ELAVL1: variants seen among roughly 807,000 people sequenced by gnomAD.
The protein encoded by ELAVL1 is ELAV like RNA binding protein 1, also known as ELAV-like protein 1.
ELAVL1 carries 1 observed loss-of-function variant against 28.4 expected under a neutral mutation model. That is an observed-to-expected ratio of 0.04 (90% CI 0.01 to 0.17). The LOEUF is 0.17. Ranked by LOEUF, ELAVL1 falls within the 10% of genes least tolerant of loss-of-function variation. The pLI, the probability that ELAVL1 is intolerant of heterozygous loss-of-function variation, is 1.00. For synonymous variants in ELAVL1, 174 were observed against 183.5 expected (o/e 0.95, Z 0.42); for missense variants, 157 against 447.2 (o/e 0.35, Z 5.85).
chr19:7,993,898 C>T (rs543646056), intron 1 of ELAVL1, among the ~76,000 whole-genome samples: 2 of 152,286 alleles, frequency 1.3e-5, no homozygotes, highest in African/African-American at 2.4e-5. Flanking sequence ...CCTGAATCAA[C>T]GCCGAGGGAA....
rs1437686856 is a variant in ELAVL1, at chr19:7,970,570, G to A, written c.431-2780C>T. Reference sequence around the variant, plus strand: ...TGCTGGGATTACAGGCGTGAGCCACGGCCCCCGGCCCCCTTGTGTTTTTTA... The same window carrying A: ...TGCTGGGATTACAGGCGTGAGCCACAGCCCCCGGCCCCCTTGTGTTTTTTA... On this transcript the variant is annotated intron_variant, in intron 4 of 5. Transcript: ENST00000407627. Among the ~76,000 whole-genome samples the A allele has an allele frequency of 2.7e-5, 4 of 150,768 alleles. No homozygotes were observed. In the East Asian group the frequency reaches 5.9e-4, roughly 22 times the overall value.
At chr19:8,001,257 A>C (rs1192246755) in intron 1 of ELAVL1, among the ~76,000 whole-genome samples, 1 of 152,146 alleles carries the variant, frequency 6.6e-6, no homozygotes, top group Non-Finnish European at 1.5e-5. Context: ...CCTCTCTTCA[A>C]ACCGCCTCCG....
At chr19:8,001,763 C>T (rs1568318459) in intron 1 of ELAVL1, among the ~76,000 whole-genome samples, 4 of 152,134 alleles carry the variant, frequency 2.6e-5, no homozygotes, top group Admixed American at 2.0e-4. Context: ...CTACACCCAG[C>T]CACAGATGTC....
chr19:7,973,647 C>A, intron 4 of ELAVL1, 78 bp downstream of exon 4: 3 of 1,510,742 alleles, frequency 2.0e-6, no homozygotes, highest in East Asian at 2.3e-5. Flanking sequence ...TAAAATCAAA[C>A]GGTGATCTGC....
chr19:7,999,416 T>A (rs1354890208), intron 1 of ELAVL1, among the ~76,000 whole-genome samples: 1 of 152,182 alleles, frequency 6.6e-6, no homozygotes, highest in African/African-American at 2.4e-5. Context: ...GACAACAGGT[T>A]ACTTACTCTA....
chr19:8,001,762 G>C (rs922059664), intron 1 of ELAVL1, among the ~76,000 whole-genome samples: 59 of 152,076 alleles, frequency 3.9e-4, no homozygotes, highest in African/African-American at 1.3e-3. Flanking sequence ...ACTACACCCA[G>C]CCACAGATGT....
At chr19:7,976,779 G>A (rs1225661397) in intron 3 of ELAVL1, among the ~76,000 whole-genome samples, 1 of 151,504 alleles carries the variant, frequency 6.6e-6, no homozygotes, top group African/African-American at 2.4e-5. Context: ...TGGCATCAAC[G>A]CCCAGTTCCT....
In ELAVL1 at chr19:7,979,070, A is replaced by G. The variant is rs1985382123; in HGVS notation, c.276+2013T>C. 6.6e-6 allele frequency among the ~76,000 whole-genome samples: 1 copy of G among 152,180 alleles called. No homozygotes were observed. The highest frequency in any genetic ancestry group is 6.5e-5 in the Admixed American group (1 of 15,282). ...AGGTTTGCGGAATGAACACACTTGG[A>G]GCACAGAGGACCCCAGGGCTGCGCC... is the stretch of plus-strand genomic sequence containing the variant. On this transcript the variant is annotated intron_variant, in intron 3 of 5. Coordinates refer to ENST00000407627, the MANE Select transcript of ELAVL1 (RefSeq NM_001419.3). The surrounding 1 kb of genome is among the most constrained non-coding windows in gnomAD (Gnocchi z 5.4).
intron 3 of ELAVL1, among the ~76,000 whole-genome samples, chr19:7,978,399 C>T (rs1253556131): frequency 6.6e-6 from 1 of 152,052 alleles, no homozygotes; most frequent in Non-Finnish European, 1.5e-5. Context: ...GAAAGGGGTG[C>T]TGGGGATGGA....
rs868741131 is a variant in ELAVL1, at chr19:7,973,248, T to A, written c.430+477A>T. Reference sequence around the variant, plus strand: ...CCCCAGCTTTTTTTTTTTTTTTTTTTAAGACGGAGTCTCGCTCTGTCACCC... The same window carrying A: ...CCCCAGCTTTTTTTTTTTTTTTTTTAAAGACGGAGTCTCGCTCTGTCACCC... On this transcript the variant is annotated intron_variant, in intron 4 of 5. Coordinates refer to ENST00000407627, the MANE Select transcript of ELAVL1 (RefSeq NM_001419.3). 4.2e-3 allele frequency: 733 copies of A among 173,948 alleles called. 8 individuals carry two copies. Among genetic ancestry groups the A allele is most frequent in the African/African-American group, 0.017 (696 of 41,572 alleles). 10.8% of individuals were successfully genotyped at this position (173,948 alleles called of 1,614,324 possible). A position where few individuals can be genotyped will look rare whatever the true frequency, so the allele number is the denominator to read the frequency against.
intron 1 of ELAVL1, among the ~76,000 whole-genome samples, chr19:8,001,283 C>T (rs2081066963): frequency 6.6e-6 from 1 of 152,184 alleles, no homozygotes; most frequent in African/African-American, 2.4e-5. Context: ...TGAATTACTT[C>T]ATTTGGTGGC....
chr19:7,983,756 C>T (rs1174536530), intron 2 of ELAVL1, among the ~76,000 whole-genome samples: 4 of 152,138 alleles, frequency 2.6e-5, no homozygotes, highest in African/African-American at 9.7e-5. Flanking sequence ...CAGCCACAGC[C>T]GGTTCCTCTC....
chr19:7,971,726 C>T (rs1985117603), intron 4 of ELAVL1, among the ~76,000 whole-genome samples: 1 of 152,238 alleles, frequency 6.6e-6, no homozygotes, highest in African/African-American at 2.4e-5. Flanking sequence ...ACAGGAAGCT[C>T]CCAGGGCCCC....
At chr19:7,984,727 C>CAGGA (rs1985555092) in intron 2 of ELAVL1, among the ~76,000 whole-genome samples, 2 of 152,198 alleles carry the variant, frequency 1.3e-5, no homozygotes, top group Non-Finnish European at 2.9e-5. Flanking sequence ...CTGGAGGCAG[C>CAGGA]AGGAAGGCAG....
In ELAVL1 at chr19:7,961,279, G is replaced by C. The variant is rs149846894; in HGVS notation, c.*2204C>G. 6.6e-6 allele frequency: 1 copy of C among 152,228 alleles called. No homozygotes were observed. Among genetic ancestry groups the C allele is most frequent in the African/African-American group, 2.4e-5 (1 of 41,466 alleles). 9.4% of individuals were successfully genotyped at this position (152,228 alleles called of 1,614,324 possible). A position where few individuals can be genotyped will look rare whatever the true frequency, so the allele number is the denominator to read the frequency against. On this transcript the variant is annotated 3_prime_UTR_variant, in exon 6 of 6. Transcript: ENST00000407627. ...GCATGTGTGGGAGTGAGACTCCAGG[G>C]GGAGTTTCAGAAGCGGGAATCCCGC...
intron 3 of ELAVL1, among the ~76,000 whole-genome samples, chr19:7,977,139 C>T (rs560986405): frequency 6.6e-6 from 1 of 152,306 alleles, no homozygotes; most frequent in Admixed American, 6.5e-5. Flanking sequence ...TGCGCAGTAG[C>T]CACTGCTGTG....
chr19:7,960,609 A>C lies in ELAVL1; in HGVS notation c.*2874T>G. The C allele has an allele frequency of 6.6e-6, 1 of 152,634 alleles. No individual in the cohort carries two copies. Among genetic ancestry groups the C allele is most frequent in the East Asian group, 1.9e-4 (1 of 5,202 alleles). 9.5% of individuals were successfully genotyped at this position (152,634 alleles called of 1,614,324 possible). A position where few individuals can be genotyped will look rare whatever the true frequency, so the allele number is the denominator to read the frequency against. ...CAAATTCGGAGCTGCCTGGGGTCTA[A>C]CTACCAGAGGAAGTTACACACGGGT... On this transcript the variant is annotated 3_prime_UTR_variant, in exon 6 of 6. Transcript: ENST00000407627.
intron 3 of ELAVL1, among the ~76,000 whole-genome samples, chr19:7,976,496 G>A (rs529650228): frequency 1.3e-5 from 2 of 152,338 alleles, no homozygotes; most frequent in South Asian, 4.1e-4. Flanking sequence ...AAGTCTGTGT[G>A]AAGATGGAGG....
Position 7,981,222 on chromosome 19 carries a change from C to T in ELAVL1, c.173-36G>A. 6.2e-7 allele frequency: 1 copy of T among 1,610,404 alleles called. No homozygotes were observed. The highest frequency in any genetic ancestry group is 8.5e-7 in the Non-Finnish European group (1 of 1,176,608). ...GAACATGAAGACATTGGTAAGCCAA[C>T]CGTCTGCGAGTGAGGGACAGGGAGG... is the stretch of plus-strand genomic sequence containing the variant. On this transcript the variant is annotated intron_variant, in intron 2 of 5. Transcript: ENST00000407627. This position sits in a 1 kb window ranked among gnomAD's most constrained non-coding sequence, Gnocchi z 4.2.
Sources: allele counts gnomAD v4.1 joint callset (sites outside exome capture counted in the v4.1 genomes callset), GRCh38; gene constraint gnomAD v4.1.1; non-coding constraint Gnocchi (gnomAD v3.1); transcripts MANE v1.5; gene names NCBI Gene and HGNC (gene_info 2026-07-23, HGNC 2026-07-21).